Variants in MAP3K8 observed in about 807,000 individuals in gnomAD.
The protein encoded by MAP3K8 is Ewing sarcoma transformant.
Under a neutral mutation model 45.8 loss-of-function variants are expected in MAP3K8, and 22 were observed. The observed-to-expected ratio is 0.48, with a 90% CI of 0.34 to 0.69. MAP3K8 has a LOEUF of 0.69. Ranked by LOEUF, MAP3K8 falls within the 30% of genes least tolerant of loss-of-function variation. The pLI is 0.01. For missense variants in MAP3K8, 419 were observed against 585.0 expected (o/e 0.72, Z 2.93); for synonymous variants, 223 against 214.3 (o/e 1.04, Z -0.36).
At chr10:30,442,446 A>G (rs923132744) in intron 3 of MAP3K8, among the ~76,000 whole-genome samples, 1 of 152,234 alleles carries the variant, frequency 6.6e-6, no homozygotes, top group Non-Finnish European at 1.5e-5. Flanking sequence ...TCAGGCAGCC[A>G]ACAACCACAA....
chr10:30,457,861 G>C (rs141822943), intron 6 of MAP3K8, among the ~76,000 whole-genome samples: 39 of 152,132 alleles, frequency 2.6e-4, no homozygotes, highest in Middle Eastern at 3.4e-3. Flanking sequence ...CTCCTGATCC[G>C]CCCACCTCAG....
chr10:30,439,766 A>G (rs1209990494), intron 3 of MAP3K8, among the ~76,000 whole-genome samples: 1 of 152,230 alleles, frequency 6.6e-6, no homozygotes, highest in Non-Finnish European at 1.5e-5. Flanking sequence ...CCGAGATCAC[A>G]CCACTGCACT....
At chr10:30,435,327 T>C (rs1034264812) in intron 1 of MAP3K8, among the ~76,000 whole-genome samples, 2 of 152,094 alleles carry the variant, frequency 1.3e-5, no homozygotes, top group Admixed American at 1.3e-4. Context: ...TGCGACGGAT[T>C]GAGGTTTGTG....
At chr10:30,455,563 A>G (rs1305727529) in intron 6 of MAP3K8, among the ~76,000 whole-genome samples, 1 of 152,252 alleles carries the variant, frequency 6.6e-6, no homozygotes, top group Non-Finnish European at 1.5e-5. Flanking sequence ...GAGAGAGAAT[A>G]CATAGTGAAT....
At chr10:30,440,291 C>A (rs1002139276) in intron 3 of MAP3K8, among the ~76,000 whole-genome samples, 2 of 152,146 alleles carry the variant, frequency 1.3e-5, no homozygotes. Flanking sequence ...TGGTAGCTTG[C>A]AAAACATGCT....
At chr10:30,450,644 C>T (rs1002737174) in intron 5 of MAP3K8, 125 bp downstream of exon 5, 16 of 746,110 alleles carry the variant, frequency 2.1e-5, no homozygotes, top group Admixed American at 7.2e-5. Context: ...GAGCACCGTC[C>T]GTCTTCCTTC....
chr10:30,434,422 T>C, intron 1 of MAP3K8, 44 bp downstream of exon 1: 1 of 983,408 alleles, frequency 1.0e-6, no homozygotes, highest in South Asian at 4.7e-5. Flanking sequence ...TCGGGTCGCG[T>C]CCCGCCTGGG....
intron 5 of MAP3K8, 154 bp downstream of exon 5, chr10:30,450,673 A>C: frequency 1.5e-6 from 1 of 647,564 alleles, no homozygotes; most frequent in Non-Finnish European, 2.7e-6. Context: ...CATATCTTAG[A>C]ATCATGCGGG....
intron 1 of MAP3K8, among the ~76,000 whole-genome samples, chr10:30,435,027 T>C (rs1835868494): frequency 6.6e-6 from 1 of 152,168 alleles, no homozygotes. Flanking sequence ...TTCACGGAAG[T>C]TGTTTTCGAG....
At chr10:30,435,394 C>G (rs1185981596) in intron 1 of MAP3K8, among the ~76,000 whole-genome samples, 1 of 152,116 alleles carries the variant, frequency 6.6e-6, no homozygotes. Flanking sequence ...CAAATGGGAA[C>G]GTTGAGGCAT....
chr10:30,436,643 C>A (rs1355269528), intron 1 of MAP3K8, among the ~76,000 whole-genome samples: 3 of 151,040 alleles, frequency 2.0e-5, no homozygotes, highest in African/African-American at 4.9e-5. Context: ...CACAGGAAAA[C>A]CCCCCAATTA....
chr10:30,451,109 A>T (rs1836524086), intron 5 of MAP3K8, among the ~76,000 whole-genome samples: 1 of 151,930 alleles, frequency 6.6e-6, no homozygotes, highest in African/African-American at 2.4e-5. Context: ...AAAAAAAAAA[A>T]AGCAATTTAC....
intron 8 of MAP3K8, among the ~76,000 whole-genome samples, chr10:30,459,902 G>T (rs1447091539): frequency 6.6e-6 from 1 of 151,912 alleles, no homozygotes; most frequent in Admixed American, 6.6e-5. Flanking sequence ...GAGTGCAGTG[G>T]CATGATCTTG....
intron 8 of MAP3K8, 101 bp downstream of exon 8, chr10:30,459,602 A>G (rs1836863585): frequency 1.4e-6 from 2 of 1,394,920 alleles, no homozygotes; most frequent in East Asian, 2.3e-5. Context: ...AAAAAAGGAA[A>G]TGACTTCTTG....
intron 6 of MAP3K8, among the ~76,000 whole-genome samples, chr10:30,452,622 C>CA (rs201850531): frequency 0.018 from 2,345 of 129,492 alleles, 57 homozygotes; most frequent in African/African-American, 0.06. Flanking sequence ...GATGTTGCTT[C>CA]AAAAAAAAAA....
rs1249518228 is a variant in MAP3K8, at chr10:30,447,804, G to A, written c.359G>A (p.Arg120His). Residue 120 changes from arginine to histidine, a missense_variant, in exon 4 of 9, where the codon CGT becomes CAT. Coordinates refer to ENST00000263056, the MANE Select transcript of MAP3K8 (RefSeq NM_005204.4). ...TAGGTCATCACTCCCCAAAATGGACGTTACCAAATAGATTCCGATGTTCTC... is the reference window on the plus strand; with the variant it reads ...TAGGTCATCACTCCCCAAAATGGACATTACCAAATAGATTCCGATGTTCTC... ...LNMVITPQNG[R>H]YQIDSDVLLI... 7 of 1,613,358 alleles carry A rather than the reference G, an allele frequency of 4.3e-6. 1 individual carries two copies. In the South Asian group the frequency reaches 4.4e-5, roughly 10 times the overall value.
intron 8 of MAP3K8, among the ~76,000 whole-genome samples, chr10:30,460,055 C>A (rs556342079): frequency 6.6e-6 from 1 of 152,244 alleles, no homozygotes; most frequent in South Asian, 2.1e-4. Context: ...GTTGGCCAGG[C>A]TGGTCTCGAA....
Position 30,439,101 on chromosome 10 carries a change from C to A in MAP3K8, c.163C>A (p.Gln55Lys), listed in dbSNP as rs1836008931. 4 of 1,614,218 alleles carry A rather than the reference C, an allele frequency of 2.5e-6. No homozygotes were observed. The highest frequency in any genetic ancestry group is 3.4e-6 in the Non-Finnish European group (4 of 1,180,034). ...AATGACCATGTGTCAAGACAGTAAT[C>A]AAAACGATGAGCGTTCTAAGTCTCT... is the stretch of plus-strand genomic sequence containing the variant. The part of the protein sequence containing the change: ...SLMTMCQDSN[Q>K]NDERSKSLLL... The change falls in exon 3 of 9, where the codon CAA becomes AAA. Residue 55 changes from glutamine to lysine, a missense_variant. By Grantham distance (53) the Gln-to-Lys change is moderately conservative. Transcript: ENST00000263056.
At chr10:30,438,190 T>C (rs1835975027) in intron 2 of MAP3K8, among the ~76,000 whole-genome samples, 1 of 152,224 alleles carries the variant, frequency 6.6e-6, no homozygotes, top group Non-Finnish European at 1.5e-5. Context: ...GATGTTTGCT[T>C]TGCACTATTA....
Sources: gnomAD v4.1 joint callset for allele counts (sites outside exome capture counted in the v4.1 genomes callset) on GRCh38, gnomAD v4.1.1 for gene constraint, MANE v1.5 for transcripts, NCBI Gene and HGNC (gene_info 2026-07-23, HGNC 2026-07-21) for gene names.